LIFR: variants seen among roughly 807,000 people sequenced by gnomAD.
LIFR encodes the protein LIF receptor subunit alpha, also known as leukemia inhibitory factor receptor.
Under a neutral mutation model 122.2 loss-of-function variants are expected in LIFR, and 84 were observed. That is an observed-to-expected ratio of 0.69 (90% CI 0.58 to 0.82). The LOEUF is 0.82. Among genes scored for constraint, LIFR ranks in the 40% least tolerant of loss-of-function variants. LIFR has a pLI of 0.00. For synonymous variants in LIFR, 422 were observed against 434.7 expected (o/e 0.97, Z 0.36); for missense variants, 1,294 against 1,311.6 (o/e 0.99, Z 0.21).
At chr5:38,525,374 T>C (rs1192021920) in intron 4 of LIFR, among the ~76,000 whole-genome samples, 2 of 152,198 alleles carry the variant, frequency 1.3e-5, no homozygotes, top group Non-Finnish European at 2.9e-5. Context: ...CAAGGACCAA[T>C]TACATATAGT....
intron 1 of LIFR, among the ~76,000 whole-genome samples, chr5:38,536,390 G>A (rs1747298668): frequency 6.6e-6 from 1 of 151,706 alleles, no homozygotes; most frequent in African/African-American, 2.4e-5. Flanking sequence ...TGCTTACATA[G>A]CATTAACACT....
At chr5:38,514,922 G>C (rs989233125) in intron 5 of LIFR, among the ~76,000 whole-genome samples, 7 of 152,114 alleles carry the variant, frequency 4.6e-5, no homozygotes, top group African/African-American at 1.4e-4. Flanking sequence ...TTTGAATTCT[G>C]GTATCTAAGG....
At chr5:38,541,097 C>T (rs1262278943) in intron 1 of LIFR, among the ~76,000 whole-genome samples, 2 of 152,138 alleles carry the variant, frequency 1.3e-5, no homozygotes, top group Non-Finnish European at 2.9e-5. Flanking sequence ...TTAGATTATG[C>T]TTCTCAAAAC....
intron 1 of LIFR, among the ~76,000 whole-genome samples, chr5:38,594,082 G>A (rs1327178702): frequency 3.9e-5 from 6 of 152,184 alleles, no homozygotes. Context: ...CTTGAATTGG[G>A]TTAGAGCTTG....
chr5:38,530,049 T>C (rs189819312), intron 2 of LIFR, among the ~76,000 whole-genome samples: 202 of 152,294 alleles, frequency 1.3e-3, no homozygotes, highest in Non-Finnish European at 2.2e-3. Context: ...TTTAAAAATA[T>C]TTGGATTTCA....
chr5:38,490,355 C>T lies in LIFR; in HGVS notation c.2066-64G>A, dbSNP rs901364866. 13 of 726,572 alleles carry T rather than the reference C, an allele frequency of 1.8e-5. No individual in the cohort carries two copies. In the East Asian group the frequency reaches 3.5e-4, roughly 19 times the overall value. 45.0% of individuals were successfully genotyped at this position (726,572 alleles called of 1,614,324 possible). A position where few individuals can be genotyped will look rare whatever the true frequency, so the allele number is the denominator to read the frequency against. ...TTACTATGAATATCTATTTTAGAAACATCAAGTTCATAACATACTCTAAAA... is the reference window on the plus strand; with the variant it reads ...TTACTATGAATATCTATTTTAGAAATATCAAGTTCATAACATACTCTAAAA... On this transcript the variant is annotated intron_variant, in intron 14 of 19. Coordinates refer to ENST00000453190, the MANE Select transcript of LIFR (RefSeq NM_001127671.2).
intron 7 of LIFR, among the ~76,000 whole-genome samples, chr5:38,509,000 A>G (rs982058296): frequency 1.3e-5 from 2 of 152,182 alleles, no homozygotes; most frequent in African/African-American, 4.8e-5. Context: ...TAAATTTCCT[A>G]AAAGTTCTCT....
intron 5 of LIFR, among the ~76,000 whole-genome samples, chr5:38,517,045 C>G (rs960075302): frequency 6.6e-6 from 1 of 151,548 alleles, no homozygotes; most frequent in Non-Finnish European, 1.5e-5. Context: ...CATCACACAT[C>G]GGGGCCTGTC....
rs753292315 is a variant in LIFR at position 38,530,575 on chromosome 5, T to C, written c.73A>G (p.Asn25Asp). The change falls in exon 2 of 20, where the codon AAT (asparagine) becomes GAT (aspartate). Residue 25 changes from asparagine (N) to aspartate (D), a missense_variant. Physicochemically the swap from Asn to Asp is conservative, Grantham distance 23. Transcript: ENST00000453190. ...VDNKRMRTAS[N>D]FQWLLSTFIL... ...AATGTTGATAACAGCCACTGGAAAT[T>C]TGAAGCAGTCCTCATTCTTTTATTG... 43 of 1,612,530 alleles carry C rather than the reference T, an allele frequency of 2.7e-5. No homozygotes were observed. Among genetic ancestry groups the C allele is most frequent in the South Asian group, 3.3e-5 (3 of 91,046 alleles).
At chr5:38,567,868 T>C (rs1749078774) in intron 1 of LIFR, among the ~76,000 whole-genome samples, 1 of 152,082 alleles carries the variant, frequency 6.6e-6, no homozygotes, top group Non-Finnish European at 1.5e-5. Context: ...GAGGTTAATA[T>C]TCCCCCAGAG....
intron 5 of LIFR, among the ~76,000 whole-genome samples, chr5:38,521,879 G>A (rs1746419015): frequency 6.6e-6 from 1 of 152,144 alleles, no homozygotes; most frequent in South Asian, 2.1e-4. Flanking sequence ...AGGTGCTGAT[G>A]GTGGTAGACT....
chr5:38,604,033 C>G (rs1240567217), intron 2 of LIFR, among the ~76,000 whole-genome samples: 2 of 152,216 alleles, frequency 1.3e-5, no homozygotes, highest in African/African-American at 4.8e-5. Flanking sequence ...GGCCCAAGCA[C>G]ATAGTGAGAC....
intron 1 of LIFR, among the ~76,000 whole-genome samples, chr5:38,573,533 C>T (rs1749283554): frequency 1.3e-5 from 2 of 152,164 alleles, no homozygotes; most frequent in African/African-American, 4.8e-5. Flanking sequence ...AACTTAATAT[C>T]AGAGCAAATG....
At position 38,511,844 on chromosome 5, in the gene LIFR, G is replaced by A. The variant is rs1276031932; in HGVS notation, c.682C>T (p.His228Tyr). The stretch of plus-strand genomic sequence containing the variant: ...CTCCACTCTTCGAGACCAGAAAAAT[G>A]AAGATTGTCAATGTAGCATCTAATT... Reference protein sequence around the residue: ...VEIRCYIDNLHFSGLEEWSDW... With the variant: ...VEIRCYIDNLYFSGLEEWSDW... The change falls in exon 6 of 20, where the codon CAT becomes TAT. Residue 228 changes from histidine to tyrosine, a missense_variant. Transcript: ENST00000453190. The A allele has an allele frequency of 6.2e-7, 1 of 1,614,130 alleles. No homozygotes were observed. Among genetic ancestry groups the A allele is most frequent in the Admixed American group, 1.7e-5 (1 of 60,010 alleles).
chr5:38,529,959 G>C (rs761610857), intron 2 of LIFR, among the ~76,000 whole-genome samples: 3 of 152,090 alleles, frequency 2.0e-5, no homozygotes, highest in Non-Finnish European at 4.4e-5. Context: ...CGGGCAGGAG[G>C]ATGATAATTT....
At chr5:38,523,854 T>A (rs546477121) in intron 4 of LIFR, among the ~76,000 whole-genome samples, 1 of 152,290 alleles carries the variant, frequency 6.6e-6, no homozygotes, top group South Asian at 2.1e-4. Context: ...ACGACTAATA[T>A]TCTCTCAAAT....
Position 38,520,284 on chromosome 5 carries a change from A to G in LIFR, c.561+3135T>C, listed in dbSNP as rs146855627. 3.9e-4 allele frequency among the ~76,000 whole-genome samples: 59 copies of G among 152,188 alleles called. 1 individual carries two copies. In the East Asian group the frequency reaches 8.5e-3, roughly 22 times the overall value. ...GTCTTCTTTTGAGAAATGTCTATTC[A>G]TGTCCTTTGCCCACATTACAATGGG... On this transcript the variant is annotated intron_variant, in intron 5 of 19. Transcript: ENST00000453190.
rs1182230370 is a variant in LIFR at position 38,489,248 on chromosome 5, G to A, written c.2168-3C>T. On this transcript the variant is annotated splice_region_variant and splice_polypyrimidine_tract_variant and intron_variant, in intron 15 of 19. Coordinates refer to ENST00000453190, the MANE Select transcript of LIFR (RefSeq NM_001127671.2). The stretch of plus-strand genomic sequence containing the variant: ...AAAATTTGGTGCAACAATGGGAGCT[G>A]TAAAAGGAAAAAGTCAATTGCTAAA... 6.2e-7 allele frequency: 1 copy of A among 1,610,774 alleles called. No individual in the cohort carries two copies. The highest frequency in any genetic ancestry group is 8.5e-7 in the Non-Finnish European group (1 of 1,178,302).
At chr5:38,508,875 C>A (rs2112483341) in intron 7 of LIFR, among the ~76,000 whole-genome samples, 1 of 152,326 alleles carries the variant, frequency 6.6e-6, no homozygotes, top group South Asian at 2.1e-4. Flanking sequence ...TAAGCCACCA[C>A]ACCCGGCCTA....
Sources: gnomAD v4.1 joint callset for allele counts (sites outside exome capture counted in the v4.1 genomes callset) on GRCh38, gnomAD v4.1.1 for gene constraint, MANE v1.5 for transcripts, NCBI Gene and HGNC (gene_info 2026-07-23, HGNC 2026-07-21) for gene names.